Variants in VWF observed in about 807,000 individuals in gnomAD.
The protein encoded by VWF is Factor VIII related antigen.
In VWF, 176 loss-of-function variants were observed where a neutral mutation model predicts 308.6. The ratio of observed to expected loss-of-function variants is 0.57; its 90% CI spans 0.50 to 0.65. The LOEUF (loss-of-function observed/expected upper bound fraction) is 0.65. Among genes scored for constraint, VWF ranks in the 30% least tolerant of loss-of-function variants. The pLI is 0.00. For missense variants in VWF, 3,146 were observed against 3,648.2 expected, an observed-to-expected ratio of 0.86 and a Z score of 3.55; for synonymous variants, 1,385 against 1,443.4, an observed-to-expected ratio of 0.96 and a Z score of 0.92.
At chr12:6,032,276 C>T (rs143463846) in intron 20 of VWF, among the ~76,000 whole-genome samples, 2 of 151,600 alleles carry the variant, frequency 1.3e-5, no homozygotes, top group East Asian at 1.9e-4. Flanking sequence ...TGCAGTGAGC[C>T]GAGATCGCAC....
intron 34 of VWF, among the ~76,000 whole-genome samples, chr12:6,004,716 T>TGA (rs1943908113): frequency 1.2e-5 from 1 of 81,238 alleles, no homozygotes; most frequent in Non-Finnish European, 2.5e-5. Context: ...TATATATAGG[T>TGA]TATATATAGA....
Position 6,060,988 on chromosome 12 carries a change from G to T in VWF, c.1533+1966C>A, listed in dbSNP as rs1376396542. Among the ~76,000 whole-genome samples, 1 of 152,168 alleles carries T rather than the reference G, an allele frequency of 6.6e-6. No homozygotes were observed. The highest frequency in any genetic ancestry group is 1.5e-5 in the Non-Finnish European group (1 of 68,034). ...GGCTGAGGAGGGTGGATCATTTGAG[G>T]TCAGGAGTTCAAGACCAGCCTGGCC... On this transcript the variant is annotated intron_variant, in intron 13 of 51. Transcript: ENST00000261405. This position sits in a 1 kb window ranked among gnomAD's most constrained non-coding sequence, Gnocchi z 5.1.
chr12:6,025,746 T>C lies in VWF; in HGVS notation c.3109-53A>G, dbSNP rs999237906. ...CCGTCAGCTGGTCAAACTGGGGTTATTCAGCCCAGAAGGATCCAAGAGACC... is the reference window on the plus strand; with the variant it reads ...CCGTCAGCTGGTCAAACTGGGGTTACTCAGCCCAGAAGGATCCAAGAGACC... On this transcript the variant is annotated intron_variant, in intron 23 of 51. Transcript: ENST00000261405. 12 of 1,431,798 alleles carry C rather than the reference T, an allele frequency of 8.4e-6. No homozygotes were observed. In the African/African-American group the frequency reaches 1.3e-4, roughly 15 times the overall value. 88.7% of individuals were successfully genotyped at this position (1,431,798 alleles called of 1,614,324 possible). A position where few individuals can be genotyped will look rare whatever the true frequency, so the allele number is the denominator to read the frequency against.
intron 38 of VWF, among the ~76,000 whole-genome samples, chr12:5,990,769 A>G (rs1040013483): frequency 2.7e-5 from 4 of 150,730 alleles, no homozygotes; most frequent in African/African-American, 9.8e-5. Context: ...ACAAATATAC[A>G]CGGGGTCAAC....
chr12:6,085,703 C>T (rs914925293), intron 6 of VWF, among the ~76,000 whole-genome samples: 6 of 108,112 alleles, frequency 5.5e-5, no homozygotes, highest in Admixed American at 4.1e-4. Context: ...TCACACACCA[C>T]GGCCTGTGGG....
intron 6 of VWF, among the ~76,000 whole-genome samples, chr12:6,083,009 C>A (rs937760606): frequency 1.6e-4 from 25 of 152,154 alleles, no homozygotes. Flanking sequence ...AGAATCTCAA[C>A]CCATCACTTT....
intron 34 of VWF, among the ~76,000 whole-genome samples, chr12:5,999,471 T>TACACACACACACACACACACACAC (rs3062521): frequency 4.9e-5 from 7 of 143,658 alleles, no homozygotes; most frequent in African/African-American, 1.3e-4. Context: ...TGTACACACA[T>TACACACACACACACACACACACAC]ACACACACAC....
intron 34 of VWF, among the ~76,000 whole-genome samples, chr12:6,009,290 G>A (rs1943965977): frequency 6.7e-6 from 1 of 149,272 alleles, no homozygotes; most frequent in African/African-American, 2.5e-5. Context: ...CAAAGGACTT[G>A]AAAAGACATT....
intron 10 of VWF, among the ~76,000 whole-genome samples, chr12:6,069,514 A>C (rs1325984537): frequency 3.9e-5 from 6 of 152,114 alleles, no homozygotes; most frequent in African/African-American, 1.4e-4. Context: ...TTCCCATCAG[A>C]AGCTCTATCT....
rs61748495 is a variant in VWF at position 6,025,901 on chromosome 12, C to T, written c.3108+5G>A. The T allele has an allele frequency of 1.9e-6, 3 of 1,613,818 alleles. No individual in the cohort carries two copies. The highest frequency in any genetic ancestry group is 1.3e-5 in the African/African-American group (1 of 74,900). ...GGCTCTGTCCACACAGAGACCCAGA[C>T]GTACTTTTCTGGTGTCAGCACACTG... is the stretch of plus-strand genomic sequence containing the variant. On this transcript the variant is annotated splice_donor_5th_base_variant and intron_variant, in intron 23 of 51. Transcript: ENST00000261405.
intron 47 of VWF, among the ~76,000 whole-genome samples, chr12:5,961,861 A>C (rs1247554129): frequency 6.6e-6 from 1 of 152,108 alleles, no homozygotes; most frequent in African/African-American, 2.4e-5. Context: ...CAAAATTCCT[A>C]TGTTGGGATT....
chr12:5,952,995 G>A (rs780256329), intron 48 of VWF, among the ~76,000 whole-genome samples: 3 of 152,266 alleles, frequency 2.0e-5, no homozygotes, highest in East Asian at 1.9e-4. Flanking sequence ...TTGGGAGGCC[G>A]AGGTGGGCGG....
rs1345532406 is a variant in VWF, at chr12:6,056,869, G to C, written c.1933C>G (p.Pro645Ala). Residue 645 changes from proline to alanine, a missense_variant, in exon 15 of 52, where the codon CCA becomes GCA. Physicochemically the swap from Pro to Ala is conservative, Grantham distance 27. Around this residue, in one of 3 missense-constraint regions of VWF, gnomAD observed 1,304 missense variants for 1,353.0 expected, o/e 0.96. Coordinates refer to ENST00000261405, the MANE Select transcript of VWF (RefSeq NM_000552.5). ...GGAGGGCACGCACCACAGCGGCCTG[G>C]CTCGCGCCACGCGACGCGCACGCCT... ...GRGVRVAWREPGRCELNCPKG... is the reference protein window; with the variant it reads ...GRGVRVAWREAGRCELNCPKG... The C allele has an allele frequency of 6.8e-7, 1 of 1,466,612 alleles. No individual in the cohort carries two copies. The highest frequency in any genetic ancestry group is 1.4e-5 in the South Asian group (1 of 72,204). The allele number at this position is 1,466,612 out of a possible 1,614,324, so 90.8% of individuals were successfully genotyped here.
rs763126601 is a variant in VWF, at chr12:6,016,540, G to C, written c.5287C>G (p.Arg1763Gly). ...HLLSLVDVMQ[R>G]EGGPSQIGDA... The stretch of plus-strand genomic sequence containing the variant: ...CCGATTTGGCTGGGGCCTCCCTCCC[G>C]CTGCATGACGTCCACAAGGCTCAGC... The change falls in exon 30 of 52, where the codon CGG becomes GGG. Residue 1763 changes from arginine to glycine, a missense_variant. Transcript: ENST00000261405. The C allele has an allele frequency of 6.2e-7, 1 of 1,614,002 alleles. No homozygotes were observed. The highest frequency in any genetic ancestry group is 1.3e-5 in the African/African-American group (1 of 74,920).
intron 22 of VWF, among the ~76,000 whole-genome samples, chr12:6,026,810 A>G (rs1415846915): frequency 6.6e-6 from 1 of 152,208 alleles, no homozygotes. Flanking sequence ...GAGGGAACAG[A>G]TATAGTAACT....
intron 37 of VWF, among the ~76,000 whole-genome samples, chr12:5,993,497 T>C (rs917249011): frequency 2.0e-5 from 3 of 152,152 alleles, no homozygotes; most frequent in African/African-American, 7.2e-5. Context: ...CACAGCCCTT[T>C]ACAGATGCCT....
rs1204340960 is a variant in VWF, at chr12:6,110,919, T to G, written c.270A>C (p.Glu90Asp). 2 of 1,613,966 alleles carry G rather than the reference T, an allele frequency of 1.2e-6. No homozygotes were observed. The highest frequency in any genetic ancestry group is 1.7e-6 in the Non-Finnish European group (2 of 1,180,014). The change falls in exon 4 of 52, where the codon GAA (glutamate) becomes GAC (aspartate). Residue 90 changes from glutamate to aspartate, a missense_variant. This residue lies in a region of VWF where 1,304 missense variants were observed against 1,353.0 expected (regional missense o/e 0.96). Transcript: ENST00000261405. ...KRVSLSVYLG[E>D]FFDIHLFVNG... ...TGACAAACAAATGGATGTCAAAAAA[T>G]TCCCCAAGATACACGGAGAGGCTCA...
At position 6,020,196 on chromosome 12, in the gene VWF, C is replaced by T. The variant is rs1944114807; in HGVS notation, c.3675-453G>A. On this transcript the variant is annotated intron_variant, in intron 27 of 51. Coordinates refer to ENST00000261405, the MANE Select transcript of VWF (RefSeq NM_000552.5). This position sits in a 1 kb window ranked among gnomAD's most constrained non-coding sequence, Gnocchi z 4.3. ...GTACATGTTCTGTTGAAGATAAATG[C>T]TTTACAGTACATATTCTAACAGAAT... Among the ~76,000 whole-genome samples, 1 of 152,176 alleles carries T rather than the reference C, an allele frequency of 6.6e-6. No individual in the cohort carries two copies. The highest frequency in any genetic ancestry group is 1.5e-5 in the Non-Finnish European group (1 of 68,024).
intron 10 of VWF, among the ~76,000 whole-genome samples, chr12:6,066,755 T>C (rs1478771547): frequency 6.6e-6 from 1 of 152,228 alleles, no homozygotes; most frequent in Non-Finnish European, 1.5e-5. Context: ...CACAGAGAGA[T>C]TCTAGCTTGT....
Sources: allele counts gnomAD v4.1 joint callset (sites outside exome capture counted in the v4.1 genomes callset), GRCh38; gene constraint gnomAD v4.1.1; regional missense constraint gnomAD v4.1.1; non-coding constraint Gnocchi (gnomAD v3.1); transcripts MANE v1.5; gene names NCBI Gene and HGNC (gene_info 2026-07-23, HGNC 2026-07-21).